Variants in TBXA2R observed in about 807,000 individuals in gnomAD.
TBXA2R encodes prostanoid TP receptor.
TBXA2R carries 15 observed loss-of-function variants against 15.6 expected under a neutral mutation model. That is an observed-to-expected ratio of 0.96 (90% CI 0.64 to 1.48). The LOEUF is 1.48. TBXA2R is among the 40% of genes most tolerant of loss of function. The pLI is 0.00. For missense variants in TBXA2R, 506 were observed against 491.4 expected (o/e 1.03, Z -0.28); for synonymous variants, 280 against 241.2 (o/e 1.16, Z -1.49).
chr19:3,598,871 T>C (rs931660181), intron 2 of TBXA2R, among the ~76,000 whole-genome samples: 4 of 152,086 alleles, frequency 2.6e-5, no homozygotes, highest in Admixed American at 6.6e-5. Flanking sequence ...GGTTTCACCA[T>C]GTTGGCCAGC....
chr19:3,594,891 A>T lies in TBXA2R; in HGVS notation c.*797T>A. 1 of 1,536,878 alleles carries T rather than the reference A, an allele frequency of 6.5e-7. No homozygotes were observed. The highest frequency in any genetic ancestry group is 2.4e-5 in the East Asian group (1 of 40,916). The stretch of plus-strand genomic sequence containing the variant: ...TGGAGGTTCAAAAGGAAGCAACTGT[A>T]CCCCAGCAAGTAGGTCAAATTCAGG... On this transcript the variant is annotated 3_prime_UTR_variant, in exon 3 of 3. Transcript: ENST00000375190.
Position 3,600,131 on chromosome 19 carries a change from C to G in TBXA2R, c.504G>C (p.Leu168=). The part of the protein sequence containing the change: ...AAALALGLLP[L]LGVGRYTVQY... ...GCACGGTGTAGCGACCCACGCCCAGCAGGGGCAGCAGGCCCAGCGCCAGCG... is the reference window on the plus strand; with the variant it reads ...GCACGGTGTAGCGACCCACGCCCAGGAGGGGCAGCAGGCCCAGCGCCAGCG... The change falls in exon 2 of 3, where the codon CTG becomes CTC. Residue 168 remains leucine, a synonymous_variant. Transcript: ENST00000375190. 6.2e-7 allele frequency: 1 copy of G among 1,610,430 alleles called. No homozygotes were observed. Among genetic ancestry groups the G allele is most frequent in the Non-Finnish European group, 8.5e-7 (1 of 1,178,986 alleles).
At position 3,600,383 on chromosome 19, in the gene TBXA2R, G is replaced by A. The variant is rs200822145; in HGVS notation, c.252C>T (p.Ile84=). The change falls in exon 2 of 3, where the codon ATC becomes ATT. Residue 84 remains isoleucine (I), a synonymous_variant. Transcript: ENST00000375190. ...AGAGCGCGGCGTGCTGGGACACCAC[G>A]ATGGTACCGGTCACCAGCAGCCCCA... ...DFLGLLVTGT[I]VVSQHAALFE... 3 of 1,613,282 alleles carry A rather than the reference G, an allele frequency of 1.9e-6. No homozygotes were observed. Among genetic ancestry groups the A allele is most frequent in the Admixed American group, 3.3e-5 (2 of 59,994 alleles).
rs1467682445 is a variant in TBXA2R at position 3,595,733 on chromosome 19, C to T, written c.987G>A (p.Ser329=). The stretch of plus-strand genomic sequence containing the variant: ...GCGTGAGCTGGGGCTGGAGGGACAG[C>T]GACCTGGGCCGGGTGCTGAGGCGAG... ...LQPRLSTRPR[S]LSLQPQLTQR... Residue 329 remains serine (S), a synonymous_variant, in exon 3 of 3, where the codon TCG becomes TCA. Transcript: ENST00000375190. The T allele has an allele frequency of 2.5e-6, 4 of 1,601,318 alleles. No individual in the cohort carries two copies. The highest frequency in any genetic ancestry group is 2.2e-5 in the South Asian group (2 of 89,070).
rs1321452377 is a variant in TBXA2R, at chr19:3,600,068, G to C, written c.567C>G (p.Ala189=). 1 of 1,612,384 alleles carries C rather than the reference G, an allele frequency of 6.2e-7. No homozygotes were observed. The highest frequency in any genetic ancestry group is 1.3e-5 in the African/African-American group (1 of 74,908). The stretch of plus-strand genomic sequence containing the variant: ...GCCCGAAGGCCACGTCCCCGGACTC[G>C]GCGCCCAGCGTCAGGAAGCACCAGG... The part of the protein sequence containing the change: ...PGSWCFLTLG[A]ESGDVAFGLL... The change falls in exon 2 of 3, where the codon GCC becomes GCG. Residue 189 remains alanine (A), a synonymous_variant. Coordinates refer to ENST00000375190, the MANE Select transcript of TBXA2R (RefSeq NM_001060.6).
chr19:3,602,760 CA>C (rs56274535), intron 1 of TBXA2R, among the ~76,000 whole-genome samples: 54,114 of 105,772 alleles, frequency 0.51, 11,411 homozygotes, highest in Middle Eastern at 0.57. Flanking sequence ...AACTCCGTCT[CA>C]AAAAAAAAAA....
chr19:3,601,213 C>T (rs1012470095), intron 1 of TBXA2R, among the ~76,000 whole-genome samples: 5 of 152,018 alleles, frequency 3.3e-5, no homozygotes, highest in Admixed American at 1.3e-4. Flanking sequence ...GTGGGGCTAA[C>T]GCTCAGCCAC....
Position 3,599,999 on chromosome 19 carries a change from G to A in TBXA2R, c.636C>T (p.Phe212=). 6.2e-7 allele frequency: 1 copy of A among 1,609,984 alleles called. No homozygotes were observed. The change falls in exon 2 of 3, where the codon TTC becomes TTT. Residue 212 remains phenylalanine (F), a synonymous_variant. Coordinates refer to ENST00000375190, the MANE Select transcript of TBXA2R (RefSeq NM_001060.6). ...MLGGLSVGLS[F]LLNTVSVATL... is the part of the protein sequence containing the mutation. ...TGGCCACGCTGACCGTGTTCAGCAG[G>A]AAGGACAGCCCGACCGAGAGGCCGC...
At position 3,600,737 on chromosome 19, in the gene TBXA2R, T is replaced by C; in HGVS notation, c.-83-20A>G. 7.5e-7 allele frequency: 1 copy of C among 1,328,268 alleles called. No individual in the cohort carries two copies. The highest frequency in any genetic ancestry group is 1.1e-6 in the Non-Finnish European group (1 of 950,116). 82.3% of individuals were successfully genotyped at this position (1,328,268 alleles called of 1,614,324 possible). On this transcript the variant is annotated intron_variant, in intron 1 of 2. Transcript: ENST00000375190. ...GCACACCTGGGAGGCGAGAGAAGAT[T>C]TGCTTGTGATTAATTCTGCATTTCA... is the stretch of plus-strand genomic sequence containing the variant.
chr19:3,595,870 G>C lies in TBXA2R; in HGVS notation c.850C>G (p.Arg284Gly). The C allele has an allele frequency of 6.2e-7, 1 of 1,609,720 alleles. No homozygotes were observed. Among genetic ancestry groups the C allele is most frequent in the South Asian group, 1.1e-5 (1 of 90,158 alleles). ...ATGAGCAGCTCCTTCTCCGTGGTGC[G>C]GGACAGCTGCCCGGCGGGGCTCATG... ...PAMSPAGQLS[R>G]TTEKELLIYL... Residue 284 changes from arginine to glycine, a missense_variant, in exon 3 of 3, where the codon CGC becomes GGC. Coordinates refer to ENST00000375190, the MANE Select transcript of TBXA2R (RefSeq NM_001060.6).
In TBXA2R at chr19:3,595,534, C is replaced by G. The variant is rs200202562; in HGVS notation, c.*154G>C. 7.3e-5 allele frequency: 105 copies of G among 1,434,950 alleles called. No individual in the cohort carries two copies. The highest frequency in any genetic ancestry group is 8.7e-5 in the Non-Finnish European group (95 of 1,097,480). The allele number at this position is 1,434,950 out of a possible 1,614,324, so 88.9% of individuals were successfully genotyped here. On this transcript the variant is annotated 3_prime_UTR_variant, in exon 3 of 3. Transcript: ENST00000375190. Reference sequence around the variant, plus strand: ...AAGGATCAGGGAGGAGTTGGGGGTCCCCGGGTTGGATTGGGGTCAACCCAA... The same window carrying G: ...AAGGATCAGGGAGGAGTTGGGGGTCGCCGGGTTGGATTGGGGTCAACCCAA...
chr19:3,595,485 C>A lies in TBXA2R; in HGVS notation c.*203G>T. On this transcript the variant is annotated 3_prime_UTR_variant, in exon 3 of 3. Transcript: ENST00000375190. ...GGAGCTCTGGATGGGAAAAAGGGGC[C>A]GAGGAAGGGAGAGTGCTTGGTAAAA... is the stretch of plus-strand genomic sequence containing the variant. The A allele has an allele frequency of 7.0e-7, 1 of 1,422,578 alleles. No individual in the cohort carries two copies. The highest frequency in any genetic ancestry group is 9.2e-7 in the Non-Finnish European group (1 of 1,092,526). The allele number at this position is 1,422,578 out of a possible 1,614,324, so 88.1% of individuals were successfully genotyped here.
chr19:3,595,584 C>T lies in TBXA2R; in HGVS notation c.*104G>A. The T allele has an allele frequency of 6.8e-7, 1 of 1,460,894 alleles. No individual in the cohort carries two copies. The allele number at this position is 1,460,894 out of a possible 1,614,324, so 90.5% of individuals were successfully genotyped here. A position where few individuals can be genotyped will look rare whatever the true frequency, so the allele number is the denominator to read the frequency against. On this transcript the variant is annotated 3_prime_UTR_variant, in exon 3 of 3. Transcript: ENST00000375190. ...AAACCCTGCTGCTGATGCCCACTGT[C>T]CATCCAGCACCCCCAGCCCCTGAAT...
At position 3,599,915 on chromosome 19, in the gene TBXA2R, C is replaced by T. The variant is rs533734665; in HGVS notation, c.720G>A (p.Glu240=). The T allele has an allele frequency of 1.9e-6, 3 of 1,549,944 alleles. No individual in the cohort carries two copies. In the East Asian group the frequency reaches 7.3e-5, roughly 38 times the overall value. Reference sequence around the variant, plus strand: ...CCAGGAGCTGAGCCATCATCTCCACCTCGGAGTCCCGGGGACGCTGCTGGG... The same window carrying T: ...CCAGGAGCTGAGCCATCATCTCCACTTCGGAGTCCCGGGGACGCTGCTGGG... The part of the protein sequence containing the change: ...EAAQQRPRDS[E]VEMMAQLLGI... The change falls in exon 2 of 3, where the codon GAG becomes GAA. Residue 240 remains glutamate, a synonymous_variant. Transcript: ENST00000375190.
chr19:3,603,901 G>T (rs2032782914), intron 1 of TBXA2R, among the ~76,000 whole-genome samples: 1 of 152,298 alleles, frequency 6.6e-6, no homozygotes, highest in South Asian at 2.1e-4. Flanking sequence ...TTGGCCAGGA[G>T]GGGTAGCAGG....
At position 3,599,984 on chromosome 19, in the gene TBXA2R, G is replaced by A. The variant is rs773027867; in HGVS notation, c.651C>T (p.Val217=). 1.9e-6 allele frequency: 3 copies of A among 1,604,794 alleles called. No homozygotes were observed. The Admixed American group carries it at 5.1e-5, about 27-fold the overall frequency. The part of the protein sequence containing the change: ...SVGLSFLLNT[V]SVATLCHVYH... The stretch of plus-strand genomic sequence containing the variant: ...AGACGTGGCACAGGGTGGCCACGCT[G>A]ACCGTGTTCAGCAGGAAGGACAGCC... The change falls in exon 2 of 3, where the codon GTC becomes GTT. Residue 217 remains valine (V), a synonymous_variant. Transcript: ENST00000375190.
intron 2 of TBXA2R, among the ~76,000 whole-genome samples, chr19:3,599,327 TTATTTTTTA>T (rs368464259): frequency 0.47 from 65,474 of 140,162 alleles, 15,065 homozygotes; most frequent in Non-Finnish European, 0.52. Context: ...GCTAATTTTT[TTATTTTTTA>T]TTTTTTTTTT....
rs56389032 is a variant in TBXA2R, at chr19:3,596,222, G to T, written c.787-289C>A. 9.6e-3 allele frequency among the ~76,000 whole-genome samples: 1,466 copies of T among 152,098 alleles called. 9 individuals carry two copies. The highest frequency in any genetic ancestry group is 0.014 in the Non-Finnish European group (978 of 67,966). Reference sequence around the variant, plus strand: ...TTTTGTATTTTTCGTAGAGATGGGGGTTTCACCATGTTGGCCAGGCTGGTC... The same window carrying T: ...TTTTGTATTTTTCGTAGAGATGGGGTTTTCACCATGTTGGCCAGGCTGGTC... On this transcript the variant is annotated intron_variant, in intron 2 of 2. Transcript: ENST00000375190.
chr19:3,595,571 T>A lies in TBXA2R; in HGVS notation c.*117A>T. 6.9e-7 allele frequency: 1 copy of A among 1,451,682 alleles called. No individual in the cohort carries two copies. The highest frequency in any genetic ancestry group is 9.1e-7 in the Non-Finnish European group (1 of 1,103,096). The allele number at this position is 1,451,682 out of a possible 1,614,324, so 89.9% of individuals were successfully genotyped here. ...TGGGGTCAACCCAAAACCCTGCTGC[T>A]GATGCCCACTGTCCATCCAGCACCC... On this transcript the variant is annotated 3_prime_UTR_variant, in exon 3 of 3. Transcript: ENST00000375190.
Sources: gnomAD v4.1 joint callset for allele counts (sites outside exome capture counted in the v4.1 genomes callset) on GRCh38, gnomAD v4.1.1 for gene constraint, MANE v1.5 for transcripts, NCBI Gene and HGNC (gene_info 2026-07-23, HGNC 2026-07-21) for gene names.